AGBL3: variants seen among roughly 807,000 people sequenced by gnomAD.
The protein encoded by AGBL3 is AGBL carboxypeptidase 3.
In AGBL3, 68 loss-of-function variants were observed where a neutral mutation model predicts 94.5. That is an observed-to-expected ratio of 0.72 (90% CI 0.59 to 0.88). AGBL3 has a LOEUF of 0.88. Among genes scored for constraint, AGBL3 ranks in the 40% least tolerant of loss-of-function variants. AGBL3 has a pLI of 0.00. For missense variants in AGBL3, 934 were observed against 1,103.8 expected (o/e 0.85, Z 2.18); for synonymous variants, 354 against 370.7 (o/e 0.95, Z 0.52).
chr7:135,003,804 AT>A (rs1441399340), intron 4 of AGBL3, among the ~76,000 whole-genome samples: 1 of 151,350 alleles, frequency 6.6e-6, no homozygotes, highest in Non-Finnish European at 1.5e-5. Context: ...CAGGAAAGTT[AT>A]TTTTGTGTGT....
chr7:135,049,163 T>C (rs1817652704), intron 11 of AGBL3, among the ~76,000 whole-genome samples: 1 of 151,940 alleles, frequency 6.6e-6, no homozygotes, highest in African/African-American at 2.4e-5. Flanking sequence ...GTCAGGTGCT[T>C]TTTCTCTATT....
At chr7:135,016,247 T>G (rs552767713) in intron 4 of AGBL3, among the ~76,000 whole-genome samples, 1 of 152,342 alleles carries the variant, frequency 6.6e-6, no homozygotes, top group East Asian at 1.9e-4. Context: ...TTTGGTCATG[T>G]GTGATTCATT....
In AGBL3 at chr7:135,109,730, C is replaced by T. The variant is rs576824852; in HGVS notation, c.2111-5650C>T. Among the ~76,000 whole-genome samples the T allele has an allele frequency of 3.9e-5, 6 of 152,304 alleles. No individual in the cohort carries two copies. The South Asian group carries it at 1.0e-3, about 26-fold the overall frequency. ...CAGTGAAGAGAAATGGGATCCAGTG[C>T]CTGTGTGAAAAAGCAGTCTGACCAC... On this transcript the variant is annotated intron_variant, in intron 15 of 16. Transcript: ENST00000436302.
At chr7:135,004,533 G>A (rs1812139459) in intron 4 of AGBL3, among the ~76,000 whole-genome samples, 1 of 151,532 alleles carries the variant, frequency 6.6e-6, no homozygotes, top group South Asian at 2.1e-4. Context: ...TTTTGTTACT[G>A]TTTTAGAGAG....
chr7:134,987,163 A>C (rs1056027309), intron 1 of AGBL3, among the ~76,000 whole-genome samples: 16 of 152,200 alleles, frequency 1.1e-4, no homozygotes, highest in African/African-American at 3.9e-4. Flanking sequence ...GCTTGGACTT[A>C]ACTTATATGT....
intron 15 of AGBL3, chr7:135,092,442 CTT>C (rs1404626498): frequency 6.6e-6 from 1 of 152,088 alleles, no homozygotes; most frequent in African/African-American, 2.4e-5. Flanking sequence ...TATATTCAAC[CTT>C]TGTTACATAA....
chr7:135,003,703 A>G (rs1812017579), intron 4 of AGBL3, among the ~76,000 whole-genome samples: 1 of 141,178 alleles, frequency 7.1e-6, no homozygotes, highest in Non-Finnish European at 1.6e-5. Context: ...TAGGTATTTT[A>G]TTTTGTTGCT....
At chr7:135,076,696 A>G (rs1820482484) in intron 13 of AGBL3, among the ~76,000 whole-genome samples, 1 of 152,228 alleles carries the variant, frequency 6.6e-6, no homozygotes, top group African/African-American at 2.4e-5. Flanking sequence ...CTTACTCTAA[A>G]AAGTATTTGA....
intron 8 of AGBL3, among the ~76,000 whole-genome samples, chr7:135,038,789 G>A (rs891786034): frequency 6.6e-6 from 1 of 152,038 alleles, no homozygotes; most frequent in Admixed American, 6.6e-5. Flanking sequence ...GTGAAACCCC[G>A]TCTCTACTAA....
intron 15 of AGBL3, among the ~76,000 whole-genome samples, chr7:135,108,596 G>T (rs1192621853): frequency 1.3e-5 from 2 of 152,106 alleles, no homozygotes; most frequent in Non-Finnish European, 2.9e-5. Flanking sequence ...TCCCTTTGTA[G>T]GTGACCTGCC....
chr7:135,059,326 A>C, intron 12 of AGBL3, 91 bp downstream of exon 12: 1 of 718,812 alleles, frequency 1.4e-6, no homozygotes, highest in Non-Finnish European at 2.2e-6. Flanking sequence ...AATTGCAGAT[A>C]TGTAATTATT....
chr7:134,997,791 G>T (rs1171211832), intron 4 of AGBL3, among the ~76,000 whole-genome samples: 1 of 152,182 alleles, frequency 6.6e-6, no homozygotes, highest in Non-Finnish European at 1.5e-5. Context: ...GCAAGGTTTG[G>T]ACAACCAAGG....
chr7:135,034,168 T>C lies in AGBL3; in HGVS notation c.577T>C (p.Leu193=), dbSNP rs1435165356. ...TATTAGGGCAGAATACGAATACCAA[T>C]TGACTGTACGCCCTGACCTCTTCAC... ...VVKVAEYEYQ[L]TVRPDLFTNK... The change falls in exon 7 of 17, where the codon TTG becomes CTG. Residue 193 remains leucine (L), a synonymous_variant. Coordinates refer to ENST00000436302, the MANE Select transcript of AGBL3 (RefSeq NM_178563.4). 2.6e-6 allele frequency: 4 copies of C among 1,548,738 alleles called. No homozygotes were observed. The highest frequency in any genetic ancestry group is 3.5e-6 in the Non-Finnish European group (4 of 1,145,322).
chr7:134,990,829 G>C (rs993609162), intron 3 of AGBL3, among the ~76,000 whole-genome samples: 3 of 152,088 alleles, frequency 2.0e-5, no homozygotes, highest in Non-Finnish European at 4.4e-5. Flanking sequence ...TTAACATCTG[G>C]GTTATCTTGA....
chr7:135,021,861 CCT>C (rs1486073930), intron 5 of AGBL3, among the ~76,000 whole-genome samples: 3 of 152,048 alleles, frequency 2.0e-5, no homozygotes, highest in Admixed American at 1.3e-4. Context: ...TGTTCCTCTC[CCT>C]GTGTCCATGT....
chr7:135,077,449 T>C (rs1820559999), intron 13 of AGBL3, among the ~76,000 whole-genome samples: 1 of 151,918 alleles, frequency 6.6e-6, no homozygotes, highest in African/African-American at 2.4e-5. Context: ...ATTTCCTCCA[T>C]CCCCAGCTCA....
intron 15 of AGBL3, among the ~76,000 whole-genome samples, chr7:135,101,705 G>C (rs77069300): frequency 0.015 from 2,235 of 152,206 alleles, 27 homozygotes; most frequent in Middle Eastern, 0.027. Flanking sequence ...CATAGTTTCT[G>C]TCTTGGGATA....
At chr7:135,008,778 T>C (rs1446541361) in intron 4 of AGBL3, among the ~76,000 whole-genome samples, 1 of 152,134 alleles carries the variant, frequency 6.6e-6, no homozygotes, top group African/African-American at 2.4e-5. Context: ...TATAAAGAAC[T>C]CTTACAACTC....
intron 6 of AGBL3, 59 bp from the exon 7 acceptor site, chr7:135,034,090 T>A (rs1816052629): frequency 3.8e-6 from 5 of 1,310,340 alleles, no homozygotes; most frequent in Non-Finnish European, 4.9e-6. Flanking sequence ...ATTGGTTTTT[T>A]ACAAAATGTC....
Sources: gnomAD v4.1 joint callset for allele counts (sites outside exome capture counted in the v4.1 genomes callset) on GRCh38, gnomAD v4.1.1 for gene constraint, MANE v1.5 for transcripts, NCBI Gene and HGNC (gene_info 2026-07-23, HGNC 2026-07-21) for gene names.